The following CFAP20DC variants were observed in gnomAD, a reference collection of about 807,000 sequenced individuals.
CFAP20DC encodes the protein CFAP20 domain containing.
In CFAP20DC, 84 loss-of-function variants were observed where a neutral mutation model predicts 101.7. That is an observed-to-expected ratio of 0.83 (90% confidence interval 0.69 to 0.99). The LOEUF is 0.99. Among genes scored for constraint, CFAP20DC ranks in the 50% least tolerant of loss-of-function variants. The pLI is 0.00. For synonymous variants in CFAP20DC, 359 were observed against 351.2 expected, an observed-to-expected ratio of 1.02 and a Z score of -0.25; for missense variants, 1,007 against 970.3, an observed-to-expected ratio of 1.04 and a Z score of -0.50.
chr3:59,014,677 T>G lies in CFAP20DC; in HGVS notation c.278+24880A>C, dbSNP rs535174443. Reference sequence around the variant, plus strand: ...GTTAACAGACATCTGATGTTTGAAGTGAGAGTAATTTATTTACTAACGGCT... The same window carrying G: ...GTTAACAGACATCTGATGTTTGAAGGGAGAGTAATTTATTTACTAACGGCT... On this transcript the variant is annotated intron_variant, in intron 4 of 16. Transcript: ENST00000482387. This position sits in a 1 kb window ranked among gnomAD's most constrained non-coding sequence, Gnocchi z 4.9. Among the ~76,000 whole-genome samples, 2 of 152,210 alleles carry G rather than the reference T, an allele frequency of 1.3e-5. No individual in the cohort carries two copies. The highest frequency in any genetic ancestry group is 3.9e-4 in the East Asian group (2 of 5,172).
intron 4 of CFAP20DC, among the ~76,000 whole-genome samples, chr3:58,954,844 T>C (rs2108110757): frequency 6.6e-6 from 1 of 152,302 alleles, no homozygotes; most frequent in South Asian, 2.1e-4. Flanking sequence ...ACACCTATGA[T>C]TTTAAATTAA....
intron 4 of CFAP20DC, among the ~76,000 whole-genome samples, chr3:59,013,669 T>C (rs1006556129): frequency 1.3e-5 from 2 of 152,164 alleles, no homozygotes; most frequent in East Asian, 3.9e-4. Context: ...TTACCAGGAA[T>C]AGTAGGATAA....
At chr3:58,974,481 T>TA (rs1295186471) in intron 4 of CFAP20DC, among the ~76,000 whole-genome samples, 1 of 152,110 alleles carries the variant, frequency 6.6e-6, no homozygotes, top group Non-Finnish European at 1.5e-5. Context: ...GTATATATGT[T>TA]ATATGTACCA....
At chr3:58,748,945 C>T (rs2068383534) in intron 16 of CFAP20DC, among the ~76,000 whole-genome samples, 1 of 152,152 alleles carries the variant, frequency 6.6e-6, no homozygotes, top group Non-Finnish European at 1.5e-5. Flanking sequence ...TAACCCCACA[C>T]TAAGCAGTGT....
In CFAP20DC at chr3:59,037,166, A is replaced by G. The variant is rs574616258; in HGVS notation, c.278+2391T>C. Among the ~76,000 whole-genome samples the G allele has an allele frequency of 2.3e-4, 35 of 152,290 alleles. No homozygotes were observed. In the South Asian group the frequency reaches 4.6e-3, roughly 20 times the overall value. ...TAAAGACTTAAATGTAAAACCTAAAACCATACAAACCCTAGAAGAAAACCT... is the reference window on the plus strand; with the variant it reads ...TAAAGACTTAAATGTAAAACCTAAAGCCATACAAACCCTAGAAGAAAACCT... On this transcript the variant is annotated intron_variant, in intron 4 of 16. Transcript: ENST00000482387.
chr3:59,032,756 C>T (rs1018207554), intron 4 of CFAP20DC, among the ~76,000 whole-genome samples: 10 of 152,146 alleles, frequency 6.6e-5, no homozygotes, highest in Non-Finnish European at 7.4e-5. Context: ...GGGGAAGGGG[C>T]GGCTGTGGGC....
rs955606616 is a variant in CFAP20DC at position 59,002,141 on chromosome 3, T to C, written c.278+37416A>G. On this transcript the variant is annotated intron_variant, in intron 4 of 16. Transcript: ENST00000482387. The surrounding 1 kb of genome is among the most constrained non-coding windows in gnomAD (Gnocchi z 4.5). ...GGGGATCCCAGCTCTGTTATCCCAC[T>C]GACAAGCCTTCACAAAGTTACTCGC... Among the ~76,000 whole-genome samples, 1 of 152,188 alleles carries C rather than the reference T, an allele frequency of 6.6e-6. No homozygotes were observed. Among genetic ancestry groups the C allele is most frequent in the African/African-American group, 2.4e-5 (1 of 41,434 alleles).
chr3:58,725,085 T>C (rs1033886432), intron 3 of CFAP20DC, among the ~76,000 whole-genome samples: 1 of 152,220 alleles, frequency 6.6e-6, no homozygotes, highest in East Asian at 1.9e-4. Flanking sequence ...GTCCCAATAA[T>C]TGCCTTCAAG....
At chr3:59,008,125 A>T (rs1234238130) in intron 4 of CFAP20DC, among the ~76,000 whole-genome samples, 1 of 152,148 alleles carries the variant, frequency 6.6e-6, no homozygotes, top group East Asian at 1.9e-4. Context: ...GTGCAGCCCC[A>T]CAGAAGAAGC....
intron 14 of CFAP20DC, among the ~76,000 whole-genome samples, chr3:58,825,933 A>G (rs185130314): frequency 1.6e-4 from 25 of 152,312 alleles, no homozygotes; most frequent in South Asian, 6.2e-4. Flanking sequence ...GTTATATCTA[A>G]ACACCTTTTA....
chr3:58,776,480 G>A (rs906818727), intron 15 of CFAP20DC, among the ~76,000 whole-genome samples: 63 of 152,004 alleles, frequency 4.1e-4, no homozygotes, highest in African/African-American at 1.5e-3. Flanking sequence ...TTACTTACTG[G>A]CCTTTATCTG....
chr3:58,791,540 C>G (rs1403095356), intron 15 of CFAP20DC, among the ~76,000 whole-genome samples: 3 of 151,970 alleles, frequency 2.0e-5, no homozygotes, highest in Admixed American at 2.0e-4. Context: ...ATAGTTTAAC[C>G]AATTTTTAAC....
rs924258696 is a variant in CFAP20DC at position 58,899,119 on chromosome 3, G to A, written c.551-14410C>T. Among the ~76,000 whole-genome samples the A allele has an allele frequency of 3.9e-5, 6 of 152,210 alleles. No individual in the cohort carries two copies. The East Asian group carries it at 7.7e-4, about 20-fold the overall frequency. On this transcript the variant is annotated intron_variant, in intron 6 of 16. Coordinates refer to ENST00000482387, the MANE Select transcript of CFAP20DC (RefSeq NM_001394063.1). The surrounding 1 kb of genome is among the most constrained non-coding windows in gnomAD (Gnocchi z 5.0). ...TTGCCAGCCTGAACTGCACCTGTAG[G>A]AGGAGGCTGGAGACCCCTGTTGGGA...
intron 15 of CFAP20DC, among the ~76,000 whole-genome samples, chr3:58,765,017 ATTGAT>A (rs954556994): frequency 2.1e-4 from 32 of 152,212 alleles, no homozygotes; most frequent in African/African-American, 7.7e-4. Context: ...TAATGAACAG[ATTGAT>A]TTAATACTAA....
intron 6 of CFAP20DC, among the ~76,000 whole-genome samples, chr3:58,911,156 C>T (rs996991742): frequency 6.6e-6 from 1 of 152,024 alleles, no homozygotes; most frequent in Non-Finnish European, 1.5e-5. Flanking sequence ...GAGATAAATG[C>T]CTACATGAAT....
At chr3:58,862,961 A>G in intron 12 of CFAP20DC, 1 of 973,730 alleles carries the variant, frequency 1.0e-6, no homozygotes, top group Non-Finnish European at 1.2e-6. Context: ...ACTTTTTACG[A>G]ATTTGCTAAT....
chr3:58,958,035 G>A (rs1161368325), intron 4 of CFAP20DC, among the ~76,000 whole-genome samples: 1 of 152,036 alleles, frequency 6.6e-6, no homozygotes, highest in Non-Finnish European at 1.5e-5. Flanking sequence ...TGCTTGAGAG[G>A]ATAAATAACC....
intron 15 of CFAP20DC, among the ~76,000 whole-genome samples, chr3:58,754,805 T>C (rs1306930475): frequency 6.6e-6 from 1 of 152,190 alleles, no homozygotes; most frequent in African/African-American, 2.4e-5. Flanking sequence ...CAGTAAGAAC[T>C]TGGCCACGTC....
intron 4 of CFAP20DC, chr3:59,018,679 C>T (rs928055941): frequency 6.6e-6 from 1 of 152,078 alleles, no homozygotes; most frequent in Non-Finnish European, 1.5e-5. Flanking sequence ...GCTGAGGAAA[C>T]ATTACAAATT....
Sources: gnomAD v4.1 joint callset for allele counts (sites outside exome capture counted in the v4.1 genomes callset) on GRCh38, gnomAD v4.1.1 for gene constraint, Gnocchi (gnomAD v3.1) non-coding constraint, MANE v1.5 for transcripts, NCBI Gene and HGNC (gene_info 2026-07-23, HGNC 2026-07-21) for gene names.